PFDN4: variants seen among roughly 807,000 people sequenced by gnomAD.
PFDN4 encodes the protein prefoldin subunit 4, also known as prefoldin 4.
A neutral mutation model predicts 17.6 loss-of-function variants in PFDN4; 6 were observed. The ratio of observed to expected loss-of-function variants is 0.34; its 90% CI spans 0.19 to 0.67. PFDN4 has a LOEUF of 0.67. Ranked by LOEUF, PFDN4 falls within the 30% of genes least tolerant of loss-of-function variation. The pLI, the probability that PFDN4 is intolerant of heterozygous loss-of-function variation, is 0.68. For synonymous variants in PFDN4, 48 were observed against 51.1 expected (o/e 0.94, Z 0.26); for missense variants, 119 against 158.4 (o/e 0.75, Z 1.33).
intron 2 of PFDN4, among the ~76,000 whole-genome samples, chr20:54,214,982 G>T (rs2092760736): frequency 6.6e-6 from 1 of 152,126 alleles, no homozygotes; most frequent in South Asian, 2.1e-4. Context: ...ATGTAGGCTG[G>T]TTTTTTTGGT....
rs531160784 is a variant in PFDN4 at position 54,213,488 on chromosome 20, A to G, written c.25-863A>G. Among the ~76,000 whole-genome samples, 10 of 152,166 alleles carry G rather than the reference A, an allele frequency of 6.6e-5. No individual in the cohort carries two copies. The South Asian group carries it at 1.2e-3, about 19-fold the overall frequency. ...AACTCATGGACCTGTCTGACCTCTGAAGCCAGTCTGCCTGGGTTGAAATCA... is the reference window on the plus strand; with the variant it reads ...AACTCATGGACCTGTCTGACCTCTGGAGCCAGTCTGCCTGGGTTGAAATCA... On this transcript the variant is annotated intron_variant, in intron 1 of 3. Transcript: ENST00000371419.
At chr20:54,208,182 G>C in intron 1 of PFDN4, 58 bp downstream of exon 1, 2 of 1,467,048 alleles carry the variant, frequency 1.4e-6, no homozygotes, top group Non-Finnish European at 1.8e-6. Flanking sequence ...CGGCCGCTGG[G>C]GCCCGGGCGC....
At chr20:54,212,002 G>C (rs1165181016) in intron 1 of PFDN4, among the ~76,000 whole-genome samples, 3 of 152,116 alleles carry the variant, frequency 2.0e-5, no homozygotes, top group Non-Finnish European at 4.4e-5. Context: ...AGACCAGCCT[G>C]GCCAACATGG....
At chr20:54,208,469 G>A (rs1053869752) in intron 1 of PFDN4, 1 of 305,152 alleles carries the variant, frequency 3.3e-6, no homozygotes, top group African/African-American at 2.2e-5. Context: ...GTCCCGTTGA[G>A]TGTGGTTGGC....
intron 1 of PFDN4, among the ~76,000 whole-genome samples, chr20:54,211,883 A>C (rs1555805614): frequency 1.2e-4 from 18 of 151,382 alleles, no homozygotes; most frequent in Non-Finnish European, 1.5e-5. Flanking sequence ...GACCACCCCC[A>C]CCCCCCAGTT....
chr20:54,211,455 T>C (rs1287303080), intron 1 of PFDN4, among the ~76,000 whole-genome samples: 1 of 152,264 alleles, frequency 6.6e-6, no homozygotes, highest in Admixed American at 6.5e-5. Context: ...GGATGTAAAA[T>C]GCTTAGCTAT....
At chr20:54,215,513 A>G in intron 3 of PFDN4, 73 bp downstream of exon 3, 1 of 955,068 alleles carries the variant, frequency 1.0e-6, no homozygotes, top group Non-Finnish European at 1.6e-6. Flanking sequence ...ATGTAGGGAA[A>G]TAGTAGATGC....
At position 54,219,079 on chromosome 20, in the gene PFDN4, T is replaced by C; in HGVS notation, c.334T>C (p.Leu112=). Residue 112 remains leucine, a synonymous_variant, in exon 4 of 4, where the codon TTA becomes CTA. Transcript: ENST00000371419. ...CAGAGTGGAATCAATTCAGCGAGTG[T>C]TAGCAGATTTGAAAGTTCAGTTGTA... ...ESRVESIQRV[L]ADLKVQLYAK... is the part of the protein sequence containing the mutation. 1 of 1,593,538 alleles carries C rather than the reference T, an allele frequency of 6.3e-7. No homozygotes were observed. Among genetic ancestry groups the C allele is most frequent in the Non-Finnish European group, 8.6e-7 (1 of 1,167,076 alleles).
intron 1 of PFDN4, among the ~76,000 whole-genome samples, chr20:54,209,676 G>T (rs1228197632): frequency 6.6e-6 from 1 of 152,222 alleles, no homozygotes; most frequent in Non-Finnish European, 1.5e-5. Context: ...AAACTGAAGT[G>T]CAGAGAGGTG....
chr20:54,212,540 T>C (rs1033463886), intron 1 of PFDN4, among the ~76,000 whole-genome samples: 6 of 152,228 alleles, frequency 3.9e-5, no homozygotes, highest in Non-Finnish European at 7.3e-5. Context: ...TTGGAAACTA[T>C]GTGTTTGAGT....
intron 1 of PFDN4, among the ~76,000 whole-genome samples, chr20:54,210,118 A>T (rs1372800313): frequency 6.6e-6 from 1 of 152,230 alleles, no homozygotes; most frequent in African/African-American, 2.4e-5. Flanking sequence ...AGCATTCTAG[A>T]GAGGAGTATC....
At position 54,219,788 on chromosome 20, in the gene PFDN4, G is replaced by C; in HGVS notation, c.*638G>C. The C allele has an allele frequency of 2.5e-6, 1 of 398,314 alleles. No homozygotes were observed. Among genetic ancestry groups the C allele is most frequent in the Non-Finnish European group, 4.4e-6 (1 of 225,944 alleles). The allele number at this position is 398,314 out of a possible 1,614,324, so 24.7% of individuals were successfully genotyped here. A position where few individuals can be genotyped will look rare whatever the true frequency, so the allele number is the denominator to read the frequency against. ...CACAGAAGAACGTTTTAGAAACCAA[G>C]AGATGTGCAGAAAGAAATGTTTAGT... On this transcript the variant is annotated 3_prime_UTR_variant, in exon 4 of 4. Transcript: ENST00000371419.
Position 54,216,644 on chromosome 20 carries a change from TTTTATTTA to T in PFDN4, c.273+1224_273+1231del, listed in dbSNP as rs556892830. Among the ~76,000 whole-genome samples the T allele has an allele frequency of 4.8e-3, 729 of 151,940 alleles. 6 individuals carry two copies. The highest frequency in any genetic ancestry group is 8.1e-3 in the Admixed American group (123 of 15,272). Reference sequence around the variant, plus strand: ...AGATAGCTACTGAACTTTTATTTTATTTTATTTATTTATTTATTTATTTATTTTTTGAG... The same window carrying T: ...AGATAGCTACTGAACTTTTATTTTATTTTATTTATTTATTTATTTTTTGAG... On this transcript the variant is annotated intron_variant, in intron 3 of 3. Coordinates refer to ENST00000371419, the MANE Select transcript of PFDN4 (RefSeq NM_002623.4).
intron 1 of PFDN4, among the ~76,000 whole-genome samples, chr20:54,213,613 G>A (rs1214432780): frequency 6.6e-6 from 1 of 152,186 alleles, no homozygotes; most frequent in Admixed American, 6.5e-5. Flanking sequence ...TCCCTAATAA[G>A]ATGGATTGCA....
At chr20:54,210,939 G>A (rs13045276) in intron 1 of PFDN4, among the ~76,000 whole-genome samples, 15,943 of 152,236 alleles carry the variant, frequency 0.1, 1,121 homozygotes, top group Non-Finnish European at 0.16. Flanking sequence ...ACAAAAATTA[G>A]CTGGGCATGA....
At position 54,219,193 on chromosome 20, in the gene PFDN4, A is replaced by G. The variant is rs1267780903; in HGVS notation, c.*43A>G. 5 of 1,128,964 alleles carry G rather than the reference A, an allele frequency of 4.4e-6. No homozygotes were observed. The African/African-American group carries it at 4.9e-5, about 11-fold the overall frequency. 69.9% of individuals were successfully genotyped at this position (1,128,964 alleles called of 1,614,324 possible). ...TTTTATTTGTTTAATAAACTTGAAT[A>G]TTGTTTAAAATGATAATTTTCCTTC... On this transcript the variant is annotated 3_prime_UTR_variant, in exon 4 of 4. Transcript: ENST00000371419.
At chr20:54,217,764 C>T (rs1027933080) in intron 3 of PFDN4, among the ~76,000 whole-genome samples, 53 of 152,108 alleles carry the variant, frequency 3.5e-4, no homozygotes, top group African/African-American at 1.2e-3. Flanking sequence ...CAGGTTTTCT[C>T]GGTATAGAAA....
chr20:54,208,100 G>A lies in PFDN4; in HGVS notation c.-1G>A, dbSNP rs1289850770. The A allele has an allele frequency of 1.9e-6, 3 of 1,555,172 alleles. No individual in the cohort carries two copies. The highest frequency in any genetic ancestry group is 1.9e-5 in the Admixed American group (1 of 52,364). Reference sequence around the variant, plus strand: ...GCCGCCTGCGGTAGTCCAGTCCCAAGATGGCGGCCACCATGAAGAAGGCGG... The same window carrying A: ...GCCGCCTGCGGTAGTCCAGTCCCAAAATGGCGGCCACCATGAAGAAGGCGG... On this transcript the variant is annotated 5_prime_UTR_variant, in exon 1 of 4. Coordinates refer to ENST00000371419, the MANE Select transcript of PFDN4 (RefSeq NM_002623.4).
In PFDN4 at chr20:54,215,371, T is replaced by A. The variant is rs1379420342; in HGVS notation, c.204T>A (p.Pro68=). The change falls in exon 3 of 4, where the codon CCT becomes CCA. Residue 68 remains proline (P), a synonymous_variant. Coordinates refer to ENST00000371419, the MANE Select transcript of PFDN4 (RefSeq NM_002623.4). The part of the protein sequence containing the change: ...MLADDDCLMI[P]YQIGDVFISH... ...CAGATGATGATTGCTTAATGATACC[T>A]TATCAAATTGGTGATGTCTTCATTA... 6.2e-7 allele frequency: 1 copy of A among 1,604,908 alleles called. No individual in the cohort carries two copies. The highest frequency in any genetic ancestry group is 1.7e-5 in the Admixed American group (1 of 59,696).
Sources: allele counts gnomAD v4.1 joint callset (sites outside exome capture counted in the v4.1 genomes callset), GRCh38; gene constraint gnomAD v4.1.1; transcripts MANE v1.5; gene names NCBI Gene and HGNC (gene_info 2026-07-23, HGNC 2026-07-21).